Variants in PRKN observed in about 807,000 individuals in gnomAD.
PRKN encodes the protein parkin RBR E3 ubiquitin protein ligase.
Under a neutral mutation model 59.5 loss-of-function variants are expected in PRKN, and 56 were observed. That is an observed-to-expected ratio of 0.94 (90% confidence interval 0.76 to 1.18). PRKN has a LOEUF of 1.18. Ranked by LOEUF, PRKN falls within the 50% of genes most tolerant of loss-of-function variation. The pLI is 0.00. For synonymous variants in PRKN, 250 were observed against 222.1 expected (o/e 1.13, Z -1.12); for missense variants, 657 against 596.4 (o/e 1.10, Z -1.06).
chr6:162,229,941 C>T (rs560420189), intron 3 of PRKN, among the ~76,000 whole-genome samples: 1 of 152,202 alleles, frequency 6.6e-6, no homozygotes, highest in Non-Finnish European at 1.5e-5. Context: ...GGCTAGGAAT[C>T]CTGCCTGTTG....
At chr6:161,833,732 AGTT>A (rs2128219160) in intron 6 of PRKN, among the ~76,000 whole-genome samples, 1 of 152,226 alleles carries the variant, frequency 6.6e-6, no homozygotes, top group South Asian at 2.1e-4. Flanking sequence ...TGGATAAGTA[AGTT>A]GTTGTGTCCG....
intron 9 of PRKN, among the ~76,000 whole-genome samples, chr6:161,491,182 T>C (rs1777541847): frequency 6.6e-6 from 1 of 152,218 alleles, no homozygotes; most frequent in Non-Finnish European, 1.5e-5. Flanking sequence ...TCAGATGACT[T>C]CAAGATCTTT....
intron 3 of PRKN, among the ~76,000 whole-genome samples, chr6:162,256,708 T>G (rs1779652281): frequency 1.3e-5 from 2 of 152,192 alleles, no homozygotes; most frequent in Non-Finnish European, 2.9e-5. Flanking sequence ...CATGTAGGCC[T>G]CCAGGAGAGG....
chr6:161,468,032 G>C lies in PRKN; in HGVS notation c.1083+80822C>G, dbSNP rs1790567344. ...CTTTCAACCAGGCTGGAGTGAAGTG[G>C]TGTGATCTCAGCTCACTGCAACCTC... On this transcript the variant is annotated intron_variant, in intron 9 of 11. Coordinates refer to ENST00000366898, the MANE Select transcript of PRKN (RefSeq NM_004562.3). This position sits in a 1 kb window ranked among gnomAD's most constrained non-coding sequence, Gnocchi z 5.9. Among the ~76,000 whole-genome samples, 1 of 152,080 alleles carries C rather than the reference G, an allele frequency of 6.6e-6. No homozygotes were observed. Among genetic ancestry groups the C allele is most frequent in the Non-Finnish European group, 1.5e-5 (1 of 68,012 alleles).
In PRKN at chr6:162,254,584, G is replaced by A. The variant is rs1335923878; in HGVS notation, c.412+7941C>T. ...GATTCAATCTGAATCTGTGTCCACC[G>A]TCTTCCTGCTCACTTAGAATAAGAG... On this transcript the variant is annotated intron_variant, in intron 3 of 11. Transcript: ENST00000366898. 3.9e-5 allele frequency among the ~76,000 whole-genome samples: 6 copies of A among 152,064 alleles called. 1 individual carries two copies. Among genetic ancestry groups the A allele is most frequent in the Non-Finnish European group, 8.8e-5 (6 of 68,030 alleles).
rs1789524877 is a variant in PRKN at position 161,447,098 on chromosome 6, C to T, written c.1084-60221G>A. Among the ~76,000 whole-genome samples the T allele has an allele frequency of 1.3e-5, 2 of 152,114 alleles. No homozygotes were observed. Among genetic ancestry groups the T allele is most frequent in the East Asian group, 1.9e-4 (1 of 5,190 alleles). On this transcript the variant is annotated intron_variant, in intron 9 of 11. Transcript: ENST00000366898. The surrounding 1 kb of genome is among the most constrained non-coding windows in gnomAD (Gnocchi z 4.1). Reference sequence around the variant, plus strand: ...CAAGGAAAATATCCTTTTTTAATCCCATTTTCCTTCTCACCCCACACTGAG... The same window carrying T: ...CAAGGAAAATATCCTTTTTTAATCCTATTTTCCTTCTCACCCCACACTGAG...
At chr6:161,636,160 C>T (rs926072207) in intron 7 of PRKN, among the ~76,000 whole-genome samples, 4 of 152,238 alleles carry the variant, frequency 2.6e-5, no homozygotes, top group African/African-American at 9.6e-5. Context: ...CTGTGCTGGG[C>T]ATGTGATGTG....
chr6:161,569,558 C>A, intron 7 of PRKN, 142 bp from the exon 8 acceptor site: 4 of 746,532 alleles, frequency 5.4e-6, no homozygotes, highest in Non-Finnish European at 9.4e-6. Context: ...CACATCTAAC[C>A]AACCACAAAA....
intron 5 of PRKN, among the ~76,000 whole-genome samples, chr6:162,036,531 C>T (rs552750485): frequency 2.7e-4 from 41 of 151,522 alleles, no homozygotes; most frequent in African/African-American, 9.2e-4. Context: ...AGGCACCTGC[C>T]ACCACGCTCG....
At chr6:162,594,022 C>T (rs532758529) in intron 1 of PRKN, among the ~76,000 whole-genome samples, 53 of 152,104 alleles carry the variant, frequency 3.5e-4, no homozygotes, top group Non-Finnish European at 4.9e-4. Flanking sequence ...TGGTGGCGTG[C>T]GCCTGTAATC....
At chr6:162,388,945 C>A (rs1787004553) in intron 2 of PRKN, among the ~76,000 whole-genome samples, 1 of 149,978 alleles carries the variant, frequency 6.7e-6, no homozygotes, top group Non-Finnish European at 1.5e-5. Flanking sequence ...GAGGCCAAGA[C>A]CCCAGACACT....
intron 1 of PRKN, among the ~76,000 whole-genome samples, chr6:162,701,832 TACACAC>T (rs59726370): frequency 1.3e-4 from 19 of 147,978 alleles, no homozygotes; most frequent in African/African-American, 1.7e-4. Flanking sequence ...TTCACATACA[TACACAC>T]ACACACACAC....
chr6:162,412,670 G>T (rs956381816), intron 2 of PRKN, among the ~76,000 whole-genome samples: 1 of 152,076 alleles, frequency 6.6e-6, no homozygotes, highest in Non-Finnish European at 1.5e-5. Context: ...TCTAAAACCT[G>T]ATACTTGACA....
chr6:162,282,596 AT>A (rs1780958851), intron 2 of PRKN, among the ~76,000 whole-genome samples: 1 of 152,212 alleles, frequency 6.6e-6, no homozygotes, highest in Non-Finnish European at 1.5e-5. Flanking sequence ...CATGGCAACA[AT>A]CTAAACAGTC....
At chr6:162,093,513 C>CCT (rs534744354) in intron 4 of PRKN, among the ~76,000 whole-genome samples, 1 of 152,044 alleles carries the variant, frequency 6.6e-6, no homozygotes, top group South Asian at 2.1e-4. Context: ...CCTGTCTGCC[C>CCT]CTCTCTCTCT....
chr6:161,360,278 CGTCG>C lies in PRKN; in HGVS notation c.1168-77_1168-74del. The C allele has an allele frequency of 8.3e-7, 1 of 1,204,902 alleles. No individual in the cohort carries two copies. Among genetic ancestry groups the C allele is most frequent in the Non-Finnish European group, 1.2e-6 (1 of 806,520 alleles). The allele number at this position is 1,204,902 out of a possible 1,614,324, so 74.6% of individuals were successfully genotyped here. A position where few individuals can be genotyped will look rare whatever the true frequency, so the allele number is the denominator to read the frequency against. On this transcript the variant is annotated intron_variant, in intron 10 of 11. Transcript: ENST00000366898. The surrounding 1 kb of genome is among the most constrained non-coding windows in gnomAD (Gnocchi z 5.1). Reference sequence around the variant, plus strand: ...GGGATCAGAGTTTATGTTCCCTGTACGTCGGTACAGGAAATTCTTGAAGACAGGA... The same window carrying C: ...GGGATCAGAGTTTATGTTCCCTGTACGTACAGGAAATTCTTGAAGACAGGA...
intron 1 of PRKN, among the ~76,000 whole-genome samples, chr6:162,611,994 G>A (rs578032839): frequency 2.6e-5 from 4 of 151,152 alleles, no homozygotes; most frequent in Admixed American, 6.6e-5. Flanking sequence ...GACCATCCTG[G>A]CTAACACGGT....
At chr6:162,536,862 A>G (rs551415526) in intron 1 of PRKN, among the ~76,000 whole-genome samples, 1 of 152,316 alleles carries the variant, frequency 6.6e-6, no homozygotes, top group East Asian at 1.9e-4. Context: ...ACAGCATGCA[A>G]AGATGCATTG....
rs1787416828 is a variant in PRKN, at chr6:161,409,266, T to C, written c.1084-22389A>G. 6.6e-6 allele frequency among the ~76,000 whole-genome samples: 1 copy of C among 152,198 alleles called. No homozygotes were observed. Among genetic ancestry groups the C allele is most frequent in the Non-Finnish European group, 1.5e-5 (1 of 68,042 alleles). ...GCCAGGAGAACACATTTTTAAACTC[T>C]GTGGTAATGGTTGAGAATACTCTTC... On this transcript the variant is annotated intron_variant, in intron 9 of 11. Coordinates refer to ENST00000366898, the MANE Select transcript of PRKN (RefSeq NM_004562.3). This position sits in a 1 kb window ranked among gnomAD's most constrained non-coding sequence, Gnocchi z 4.6.
Sources: allele counts gnomAD v4.1 joint callset (sites outside exome capture counted in the v4.1 genomes callset), GRCh38; gene constraint gnomAD v4.1.1; non-coding constraint Gnocchi (gnomAD v3.1); transcripts MANE v1.5; gene names NCBI Gene and HGNC (gene_info 2026-07-23, HGNC 2026-07-21).